The following ABI2 variants were observed in gnomAD, a reference collection of about 807,000 sequenced individuals.
ABI2 encodes abl interactor 2.
In ABI2, 25 loss-of-function variants were observed where a neutral mutation model predicts 59.2. That is an observed-to-expected ratio of 0.42 (90% CI 0.31 to 0.59). The LOEUF is 0.59. ABI2 is among the 20% of genes least tolerant of loss of function. The pLI, the probability that ABI2 is intolerant of heterozygous loss-of-function variation, is 0.14. For synonymous variants in ABI2, 213 were observed against 235.5 expected, an observed-to-expected ratio of 0.90 and a Z score of 0.87; for missense variants, 545 against 681.8, an observed-to-expected ratio of 0.80 and a Z score of 2.23.
intron 4 of ABI2, chr2:203,386,572 C>T (rs1306860177): frequency 9.3e-6 from 3 of 323,974 alleles, no homozygotes; most frequent in African/African-American, 2.3e-5. Context: ...AGGTTTTTCT[C>T]TATGAAACAT....
rs2069985303 is a variant in ABI2 at position 203,328,478 on chromosome 2, CG to C, written c.-36del. ...GGCGCTGCGGCCGCCGCTCCCTCTGCGACCTGTATGAGGAGGAGGAGGAGGA... is the reference window on the plus strand; with the variant it reads ...GGCGCTGCGGCCGCCGCTCCCTCTGCACCTGTATGAGGAGGAGGAGGAGGA... On this transcript the variant is annotated 5_prime_UTR_variant, in exon 1 of 12. Coordinates refer to ENST00000261018, the MANE Select transcript of ABI2 (RefSeq NM_001375670.1). 6.5e-7 allele frequency: 1 copy of C among 1,527,062 alleles called. No homozygotes were observed. The highest frequency in any genetic ancestry group is 1.4e-5 in the African/African-American group (1 of 71,022). The allele number at this position is 1,527,062 out of a possible 1,614,324, so 94.6% of individuals were successfully genotyped here.
At chr2:203,427,049 G>T in intron 11 of ABI2, 128 bp from the exon 12 acceptor site, 1 of 711,870 alleles carries the variant, frequency 1.4e-6, no homozygotes. Context: ...AGTTTTGGTT[G>T]GTGTTTAGAA....
At position 203,367,036 on chromosome 2, in the gene ABI2, A is replaced by G. The variant is rs1387837054; in HGVS notation, c.277A>G (p.Ile93Val). 2 of 1,613,256 alleles carry G rather than the reference A, an allele frequency of 1.2e-6. No individual in the cohort carries two copies. Among genetic ancestry groups the G allele is most frequent in the Non-Finnish European group, 1.7e-6 (2 of 1,179,564 alleles). Residue 93 changes from isoleucine (I) to valine (V), a missense_variant, in exon 2 of 12, where the codon ATT (isoleucine) becomes GTT (valine). By Grantham distance (29) the Ile-to-Val change is conservative. Coordinates refer to ENST00000261018, the MANE Select transcript of ABI2 (RefSeq NM_001375670.1). Reference protein sequence around the residue: ...LRRMESSINHISQTVDIHKEK... With the variant: ...LRRMESSINHVSQTVDIHKEK... ...AAGGATGGAATCTTCAATCAATCATATTTCACAAGTGAGACCACAATATTT... is the reference window on the plus strand; with the variant it reads ...AAGGATGGAATCTTCAATCAATCATGTTTCACAAGTGAGACCACAATATTT...
intron 4 of ABI2, among the ~76,000 whole-genome samples, chr2:203,388,622 A>G (rs531979470): frequency 5.3e-4 from 81 of 152,278 alleles, no homozygotes; most frequent in Middle Eastern, 6.8e-3. Flanking sequence ...TGGAGGTTGT[A>G]GTGAGCCGAG....
intron 2 of ABI2, chr2:203,367,387 T>G (rs2094557073): frequency 6.2e-6 from 1 of 160,018 alleles, no homozygotes. Context: ...ACTTGATAGA[T>G]TGGTGGCTTG....
Position 203,407,305 on chromosome 2 carries a change from T to A in ABI2, c.1193-3980T>A, listed in dbSNP as rs2097467491. Among the ~76,000 whole-genome samples, 3 of 152,204 alleles carry A rather than the reference T, an allele frequency of 2.0e-5. No individual in the cohort carries two copies. In the South Asian group the frequency reaches 6.2e-4, roughly 32 times the overall value. ...CTACACTTACACATTGTTTATTTCC[T>A]TCACTGGGAAAAAAACATAAGCATC... On this transcript the variant is annotated intron_variant, in intron 9 of 11. Coordinates refer to ENST00000261018, the MANE Select transcript of ABI2 (RefSeq NM_001375670.1).
chr2:203,358,275 G>A (rs931634074), intron 1 of ABI2, among the ~76,000 whole-genome samples: 3 of 152,010 alleles, frequency 2.0e-5, no homozygotes, highest in African/African-American at 7.3e-5. Context: ...GACTACAGGT[G>A]TATGCCACCA....
rs2153347512 is a variant in ABI2, at chr2:203,391,046, G to T, written c.481G>T (p.Val161Leu). 1 of 1,613,208 alleles carries T rather than the reference G, an allele frequency of 6.2e-7. No homozygotes were observed. Among genetic ancestry groups the T allele is most frequent in the East Asian group, 2.2e-5 (1 of 44,842 alleles). ...HGVKWLLRFK[V>L]STQNMKMGGL... ...TTGAGTTTTCCTTAAAATTTTTTAGGTGAGTACCCAGAACATGAAGATGGG... is the reference window on the plus strand; with the variant it reads ...TTGAGTTTTCCTTAAAATTTTTTAGTTGAGTACCCAGAACATGAAGATGGG... Residue 161 changes from valine to leucine, a missense_variant and splice_region_variant, in exon 5 of 12, where the codon GTG becomes TTG. By Grantham distance (32) the Val-to-Leu change is conservative. Coordinates refer to ENST00000261018, the MANE Select transcript of ABI2 (RefSeq NM_001375670.1).
At chr2:203,373,779 A>C (rs953754576) in intron 2 of ABI2, among the ~76,000 whole-genome samples, 1 of 152,204 alleles carries the variant, frequency 6.6e-6, no homozygotes, top group East Asian at 1.9e-4. Flanking sequence ...ATAAAATAAT[A>C]TAAAATTGGA....
chr2:203,350,747 C>G (rs1282671292), intron 1 of ABI2, among the ~76,000 whole-genome samples: 1 of 151,688 alleles, frequency 6.6e-6, no homozygotes. Flanking sequence ...ACCATCTTGG[C>G]CAGGCTGGTC....
At position 203,394,984 on chromosome 2, in the gene ABI2, C is replaced by T. The variant is rs534567946; in HGVS notation, c.725+138C>T. ...TCTCCCAAACCTCATCTGATTTCAC[C>T]TCTCTCTCCTCATGTTCTGATTCAA... On this transcript the variant is annotated intron_variant, in intron 6 of 11. Transcript: ENST00000261018. 12 of 939,308 alleles carry T rather than the reference C, an allele frequency of 1.3e-5. No homozygotes were observed. The East Asian group carries it at 3.1e-4, about 24-fold the overall frequency. 58.2% of individuals were successfully genotyped at this position (939,308 alleles called of 1,614,324 possible).
intron 1 of ABI2, among the ~76,000 whole-genome samples, chr2:203,347,812 T>G (rs1167944984): frequency 4.6e-5 from 7 of 152,212 alleles, no homozygotes; most frequent in Admixed American, 4.6e-4. Flanking sequence ...GCAGTTTGTC[T>G]AAGGCCTAGC....
At chr2:203,349,176 A>G (rs1362034539) in intron 1 of ABI2, among the ~76,000 whole-genome samples, 1 of 151,724 alleles carries the variant, frequency 6.6e-6, no homozygotes, top group Admixed American at 6.6e-5. Flanking sequence ...TCCTGAACTC[A>G]AACAGTCTGC....
intron 1 of ABI2, among the ~76,000 whole-genome samples, chr2:203,356,447 C>T (rs2092009976): frequency 6.6e-6 from 1 of 152,200 alleles, no homozygotes; most frequent in Non-Finnish European, 1.5e-5. Flanking sequence ...TGGCTCACTG[C>T]AACCTCTTCC....
At chr2:203,395,259 A>G (rs2096925504) in intron 6 of ABI2, among the ~76,000 whole-genome samples, 1 of 152,084 alleles carries the variant, frequency 6.6e-6, no homozygotes, top group South Asian at 2.1e-4. Flanking sequence ...TTGTTTTATT[A>G]TAAAAGAAGT....
At chr2:203,373,502 A>AGGGAGC (rs2095459177) in intron 2 of ABI2, among the ~76,000 whole-genome samples, 2 of 140,332 alleles carry the variant, frequency 1.4e-5, no homozygotes, top group South Asian at 2.1e-4. Flanking sequence ...GGAGAGGGAG[A>AGGGAGC]GGGAGCGGGA....
intron 1 of ABI2, among the ~76,000 whole-genome samples, chr2:203,332,340 A>G (rs893843751): frequency 6.6e-6 from 1 of 151,696 alleles, no homozygotes; most frequent in Admixed American, 6.6e-5. Flanking sequence ...TAATATACAC[A>G]CCTAGGCCGG....
At chr2:203,356,074 A>G (rs2091838868) in intron 1 of ABI2, among the ~76,000 whole-genome samples, 1 of 152,118 alleles carries the variant, frequency 6.6e-6, no homozygotes, top group Non-Finnish European at 1.5e-5. Context: ...CTGAAAGCTT[A>G]TGGAATCATT....
chr2:203,330,121 A>G (rs543146973), intron 1 of ABI2, among the ~76,000 whole-genome samples: 3 of 152,314 alleles, frequency 2.0e-5, no homozygotes, highest in African/African-American at 7.2e-5. Context: ...TAAATTTTGT[A>G]ATGGCCACAT....
Sources: allele counts gnomAD v4.1 joint callset (sites outside exome capture counted in the v4.1 genomes callset), GRCh38; gene constraint gnomAD v4.1.1; transcripts MANE v1.5; gene names NCBI Gene and HGNC (gene_info 2026-07-23, HGNC 2026-07-21).